The following ITCH variants were observed in gnomAD, a reference collection of about 807,000 sequenced individuals.
ITCH encodes itchy E3 ubiquitin protein ligase.
In ITCH, 28 loss-of-function variants were observed where a neutral mutation model predicts 126.8. The ratio of observed to expected loss-of-function variants is 0.22; its 90% CI spans 0.16 to 0.30. The LOEUF is 0.30. Ranked by LOEUF, ITCH falls within the 10% of genes least tolerant of loss-of-function variation. ITCH has a pLI of 1.00. For missense variants in ITCH, 631 were observed against 1,032.4 expected (o/e 0.61, Z 5.33); for synonymous variants, 342 against 340.0 (o/e 1.01, Z -0.06).
intron 2 of ITCH, among the ~76,000 whole-genome samples, chr20:34,380,640 A>T (rs2038024561): frequency 8.3e-6 from 1 of 120,114 alleles, no homozygotes; most frequent in African/African-American, 3.2e-5. Context: ...AAAAATAGAG[A>T]TGGGGTCTTG....
intron 3 of ITCH, among the ~76,000 whole-genome samples, chr20:34,408,381 G>A: frequency 6.6e-6 from 1 of 152,130 alleles, no homozygotes. Flanking sequence ...GCCCATATGT[G>A]TACTTTTTAA....
At chr20:34,412,467 G>T in intron 4 of ITCH, 48 bp from the exon 5 acceptor site, 1 of 1,371,442 alleles carries the variant, frequency 7.3e-7, no homozygotes, top group Non-Finnish European at 1.0e-6. Context: ...GGATCTCATT[G>T]TGATATTCAA....
chr20:34,444,568 C>G (rs1274904754), intron 10 of ITCH, among the ~76,000 whole-genome samples: 2 of 151,832 alleles, frequency 1.3e-5, no homozygotes, highest in African/African-American at 4.8e-5. Flanking sequence ...GTCTGGGCAA[C>G]AAGAGGGAAA....
chr20:34,449,431 A>G lies in ITCH; in HGVS notation c.1161A>G (p.Thr387=). ...FIYGNQDLFA[T]SQSKEFDPLG... ...TTTAGAATCAAGATTTATTTGCTAC[A>G]TCACAAAGTAAAGAATTTGATCCTC... Residue 387 remains threonine (T), a synonymous_variant, in exon 12 of 25, where the codon ACA becomes ACG. Coordinates refer to ENST00000374864, the MANE Select transcript of ITCH (RefSeq NM_031483.7). 6.2e-7 allele frequency: 1 copy of G among 1,611,296 alleles called. No homozygotes were observed. Among genetic ancestry groups the G allele is most frequent in the East Asian group, 2.2e-5 (1 of 44,826 alleles).
At chr20:34,483,696 C>T (rs1988918050) in intron 20 of ITCH, among the ~76,000 whole-genome samples, 2 of 152,220 alleles carry the variant, frequency 1.3e-5, no homozygotes, top group Admixed American at 6.5e-5. Context: ...CTGTCTTCTT[C>T]TGAGCCCTCC....
intron 1 of ITCH, among the ~76,000 whole-genome samples, chr20:34,365,591 T>C (rs2037391585): frequency 6.6e-6 from 1 of 152,112 alleles, no homozygotes; most frequent in African/African-American, 2.4e-5. Flanking sequence ...TTTTTTTGTA[T>C]TTTTTAGTAG....
chr20:34,462,546 C>T (rs1311182478), intron 14 of ITCH, among the ~76,000 whole-genome samples: 5 of 152,160 alleles, frequency 3.3e-5, no homozygotes, highest in Non-Finnish European at 7.4e-5. Flanking sequence ...AAAAAGCTCT[C>T]ATTACTTATC....
At chr20:34,486,364 C>T (rs987682983) in intron 20 of ITCH, among the ~76,000 whole-genome samples, 4 of 150,052 alleles carry the variant, frequency 2.7e-5, no homozygotes, top group South Asian at 4.2e-4. Context: ...CTTGCTCTGT[C>T]GCCCAGGCTG....
chr20:34,388,627 A>G (rs1037689650), intron 2 of ITCH, among the ~76,000 whole-genome samples: 2 of 152,158 alleles, frequency 1.3e-5, no homozygotes, highest in African/African-American at 4.8e-5. Flanking sequence ...AAGTTATGAT[A>G]CTCAGGGCAA....
At chr20:34,382,321 T>C (rs1361115220) in intron 2 of ITCH, among the ~76,000 whole-genome samples, 1 of 152,232 alleles carries the variant, frequency 6.6e-6, no homozygotes. Flanking sequence ...TTTTGGCTCC[T>C]TTTAAGGAAA....
rs1978334611 is a variant in ITCH at position 34,507,871 on chromosome 20, T to C, written c.*77T>C. ...CCTTCTCTGCCTGTTGCACATCTTG[T>C]AAAATTGGACAATGGCTCTTTAGAG... On this transcript the variant is annotated 3_prime_UTR_variant, in exon 25 of 25. Coordinates refer to ENST00000374864, the MANE Select transcript of ITCH (RefSeq NM_031483.7). 9.5e-7 allele frequency: 1 copy of C among 1,055,236 alleles called. No homozygotes were observed. The highest frequency in any genetic ancestry group is 1.7e-5 in the Admixed American group (1 of 58,242). The allele number at this position is 1,055,236 out of a possible 1,614,324, so 65.4% of individuals were successfully genotyped here.
Position 34,492,578 on chromosome 20 carries a change from A to G in ITCH, c.2397A>G (p.Gly799=). The G allele has an allele frequency of 6.2e-7, 1 of 1,610,978 alleles. No individual in the cohort carries two copies. Among genetic ancestry groups the G allele is most frequent in the South Asian group, 1.1e-5 (1 of 91,004 alleles). Residue 799 remains glycine, a synonymous_variant, in exon 23 of 25, where the codon GGA becomes GGG. Coordinates refer to ENST00000374864, the MANE Select transcript of ITCH (RefSeq NM_031483.7). The part of the protein sequence containing the change: ...FVTGTCRLPV[G]GFADLMGSNG... Reference sequence around the variant, plus strand: ...CTGGAACCTGCCGATTGCCAGTAGGAGGATTTGCTGATCTCATGGGTATGT... The same window carrying G: ...CTGGAACCTGCCGATTGCCAGTAGGGGGATTTGCTGATCTCATGGGTATGT...
At chr20:34,367,329 A>G (rs2037458873) in intron 1 of ITCH, among the ~76,000 whole-genome samples, 2 of 152,128 alleles carry the variant, frequency 1.3e-5, no homozygotes, top group African/African-American at 4.8e-5. Context: ...AGTAGCTGGA[A>G]TTAGAGGTGC....
intron 20 of ITCH, among the ~76,000 whole-genome samples, chr20:34,486,036 G>C (rs1211962419): frequency 6.6e-6 from 1 of 151,932 alleles, no homozygotes; most frequent in African/African-American, 2.4e-5. Context: ...TTTTGAGATA[G>C]AGTCTCACTC....
chr20:34,485,891 A>G (rs1041936858), intron 20 of ITCH, among the ~76,000 whole-genome samples: 4 of 152,246 alleles, frequency 2.6e-5, no homozygotes, highest in East Asian at 3.9e-4. Context: ...TGGTCTTGCT[A>G]TTTTGCACAG....
intron 23 of ITCH, among the ~76,000 whole-genome samples, chr20:34,498,974 G>A (rs1158263092): frequency 6.6e-6 from 1 of 150,860 alleles, no homozygotes; most frequent in Non-Finnish European, 1.5e-5. Flanking sequence ...TTTGATGGGA[G>A]ACTTTTTTTT....
chr20:34,419,241 AG>A (rs1233179137), intron 6 of ITCH, among the ~76,000 whole-genome samples: 2 of 152,146 alleles, frequency 1.3e-5, no homozygotes, highest in Non-Finnish European at 2.9e-5. Flanking sequence ...AATATGTGTA[AG>A]ATATAAAATA....
At chr20:34,416,697 CA>C (rs1175839121) in intron 6 of ITCH, among the ~76,000 whole-genome samples, 1 of 152,112 alleles carries the variant, frequency 6.6e-6, no homozygotes, top group Non-Finnish European at 1.5e-5. Context: ...CCAAGTGAAA[CA>C]AAGTGTACTT....
At chr20:34,430,417 T>TA (rs1388607386) in intron 7 of ITCH, among the ~76,000 whole-genome samples, 2 of 152,268 alleles carry the variant, frequency 1.3e-5, no homozygotes, top group South Asian at 2.1e-4. Context: ...AGTAAAGACT[T>TA]ACGGAATTTT....
Sources: allele counts gnomAD v4.1 joint callset (sites outside exome capture counted in the v4.1 genomes callset), GRCh38; gene constraint gnomAD v4.1.1; transcripts MANE v1.5; gene names NCBI Gene and HGNC (gene_info 2026-07-23, HGNC 2026-07-21).